The following COPS4 variants were observed in gnomAD, a reference collection of about 807,000 sequenced individuals.
COPS4 encodes the protein COP9 signalosome complex subunit 4.
Under a neutral mutation model 55.1 loss-of-function variants are expected in COPS4, and 8 were observed. That is an observed-to-expected ratio of 0.15 (90% confidence interval 0.09 to 0.26). COPS4 has a LOEUF of 0.26. Ranked by LOEUF, COPS4 falls within the 10% of genes least tolerant of loss-of-function variation. The pLI is 1.00. For missense variants in COPS4, 248 were observed against 484.0 expected, an observed-to-expected ratio of 0.51 and a Z score of 4.58; for synonymous variants, 185 against 165.7, an observed-to-expected ratio of 1.12 and a Z score of -0.90.
chr4:83,056,569 C>T (rs923556508), intron 4 of COPS4, among the ~76,000 whole-genome samples: 8 of 152,228 alleles, frequency 5.3e-5, no homozygotes, highest in East Asian at 1.9e-4. Flanking sequence ...GAGGCCGAGG[C>T]GGGTGGATCA....
chr4:83,049,033 G>T (rs1180056604), intron 2 of COPS4, 133 bp from the exon 3 acceptor site: 2 of 755,768 alleles, frequency 2.6e-6, no homozygotes, highest in African/African-American at 1.8e-5. Context: ...TAGGGGTATG[G>T]AAATCCTTGA....
chr4:83,063,476 C>T (rs1032793424), intron 7 of COPS4, among the ~76,000 whole-genome samples: 2 of 151,124 alleles, frequency 1.3e-5, no homozygotes, highest in Non-Finnish European at 2.9e-5. Context: ...GGCGTGATCT[C>T]GGCTCACTGC....
chr4:83,035,207 C>A lies in COPS4; in HGVS notation c.-18C>A, dbSNP rs541775007. On this transcript the variant is annotated 5_prime_UTR_variant, in exon 1 of 10. Coordinates refer to ENST00000264389, the MANE Select transcript of COPS4 (RefSeq NM_016129.3). ...GGCTGCCAGAGGCCCCCGCATCCAC[C>A]GCTGAGCTGGGAGAAAGATGGCGGC... 16 of 1,551,848 alleles carry A rather than the reference C, an allele frequency of 1.0e-5. No individual in the cohort carries two copies. In the Admixed American group the frequency reaches 2.6e-4, roughly 25 times the overall value.
intron 4 of COPS4, among the ~76,000 whole-genome samples, chr4:83,056,634 T>TA (rs1731021673): frequency 6.6e-6 from 1 of 151,874 alleles, no homozygotes. Context: ...CCGTCTCTAC[T>TA]AAAAAATACA....
intron 1 of COPS4, among the ~76,000 whole-genome samples, chr4:83,042,563 G>A (rs1033304711): frequency 6.0e-5 from 9 of 148,898 alleles, no homozygotes; most frequent in Admixed American, 1.4e-4. Context: ...CCAGGCACAC[G>A]CCACCACAGC....
At chr4:83,060,389 C>T (rs1406626907) in intron 6 of COPS4, among the ~76,000 whole-genome samples, 3 of 151,356 alleles carry the variant, frequency 2.0e-5, no homozygotes, top group African/African-American at 4.9e-5. Context: ...TCCTCTGTCG[C>T]CCAGGCTGGA....
At chr4:83,070,028 C>A (rs1005757272) in intron 9 of COPS4, among the ~76,000 whole-genome samples, 3 of 152,294 alleles carry the variant, frequency 2.0e-5, no homozygotes, top group African/African-American at 7.2e-5. Flanking sequence ...TCTTCCAAAT[C>A]TCATCTTGAC....
intron 9 of COPS4, among the ~76,000 whole-genome samples, chr4:83,070,552 C>T (rs971625456): frequency 5.3e-5 from 8 of 152,186 alleles, no homozygotes; most frequent in African/African-American, 1.9e-4. Context: ...ATCCTCCCAC[C>T]TCAACCTCCA....
chr4:83,056,886 A>G, intron 4 of COPS4, 40 bp from the exon 5 acceptor site: 1 of 1,506,120 alleles, frequency 6.6e-7, no homozygotes. Context: ...TTTTCTTGAC[A>G]AAATGTTGAG....
intron 4 of COPS4, among the ~76,000 whole-genome samples, chr4:83,052,999 A>G: frequency 6.6e-6 from 1 of 152,218 alleles, no homozygotes; most frequent in Admixed American, 6.5e-5. Context: ...TCCCCTTAGG[A>G]GAGTGGGACA....
At position 83,066,535 on chromosome 4, in the gene COPS4, A is replaced by G. The variant is rs142625330; in HGVS notation, c.984A>G (p.Leu328=). 1.9e-5 allele frequency: 30 copies of G among 1,577,924 alleles called. No homozygotes were observed. The East Asian group carries it at 6.3e-4, about 33-fold the overall frequency. ...NITFEELGAL[L]EIPAAKAEKI... ...CCTTCGAAGAACTTGGAGCTCTTTT[A>G]GAGATCCCTGCAGCTAAGGTATCTT... The change falls in exon 8 of 10, where the codon TTA becomes TTG. Residue 328 remains leucine, a synonymous_variant. Transcript: ENST00000264389.
At chr4:83,053,659 G>A (rs1183412659) in intron 4 of COPS4, among the ~76,000 whole-genome samples, 1 of 151,894 alleles carries the variant, frequency 6.6e-6, no homozygotes, top group African/African-American at 2.4e-5. Flanking sequence ...TGGCCAACAT[G>A]GTGAAACCTT....
intron 1 of COPS4, among the ~76,000 whole-genome samples, chr4:83,042,110 C>T (rs1730582975): frequency 6.6e-6 from 1 of 151,920 alleles, no homozygotes; most frequent in East Asian, 1.9e-4. Context: ...AGTGATTGGC[C>T]CACCTCAGCC....
At chr4:83,045,550 G>T in intron 1 of COPS4, 76 bp from the exon 2 acceptor site, 2 of 1,156,198 alleles carry the variant, frequency 1.7e-6, no homozygotes, top group South Asian at 2.6e-5. Context: ...ATGTAGAAAT[G>T]AATAAATACA....
chr4:83,067,324 C>T (rs553820050), intron 8 of COPS4, among the ~76,000 whole-genome samples: 1 of 152,108 alleles, frequency 6.6e-6, no homozygotes, highest in South Asian at 2.1e-4. Context: ...TCACTGCAAC[C>T]TCTACCTCCC....
At chr4:83,066,814 TAGA>T (rs1197610818) in intron 8 of COPS4, among the ~76,000 whole-genome samples, 1 of 152,178 alleles carries the variant, frequency 6.6e-6, no homozygotes, top group Non-Finnish European at 1.5e-5. Flanking sequence ...TGACCTAGAA[TAGA>T]AGTCTTTCAG....
In COPS4 at chr4:83,075,281, T is replaced by C. The variant is rs757950960; in HGVS notation, c.1088-16T>C. The C allele has an allele frequency of 6.3e-7, 1 of 1,589,844 alleles. No individual in the cohort carries two copies. On this transcript the variant is annotated splice_polypyrimidine_tract_variant and intron_variant, in intron 9 of 9. Coordinates refer to ENST00000264389, the MANE Select transcript of COPS4 (RefSeq NM_016129.3). ...AAAGGAATAATTTTAATTTTGTACATTTTTTTTCCCCTTAGCACGAGAAGC... is the reference window on the plus strand; with the variant it reads ...AAAGGAATAATTTTAATTTTGTACACTTTTTTTCCCCTTAGCACGAGAAGC...
chr4:83,056,841 AG>A, intron 4 of COPS4, 84 bp from the exon 5 acceptor site: 2 of 1,140,050 alleles, frequency 1.8e-6, no homozygotes, highest in Non-Finnish European at 2.5e-6. Flanking sequence ...AATATATATC[AG>A]GAAAAAACAA....
At chr4:83,057,174 G>C (rs1731034757) in intron 5 of COPS4, 84 bp from the exon 6 acceptor site, 2 of 1,507,824 alleles carry the variant, frequency 1.3e-6, no homozygotes, top group African/African-American at 1.4e-5. Flanking sequence ...TTAAATATTA[G>C]AAATTGTTTC....
Sources: gnomAD v4.1 joint callset for allele counts (sites outside exome capture counted in the v4.1 genomes callset) on GRCh38, gnomAD v4.1.1 for gene constraint, MANE v1.5 for transcripts, NCBI Gene and HGNC (gene_info 2026-07-23, HGNC 2026-07-21) for gene names.